The following AIG1 variants were observed in gnomAD, a reference collection of about 807,000 sequenced individuals.
AIG1 encodes the protein androgen induced 1.
Under a neutral mutation model 31.4 loss-of-function variants are expected in AIG1, and 23 were observed. The ratio of observed to expected loss-of-function variants is 0.73; its 90% CI spans 0.53 to 1.04. The LOEUF is 1.04. Among genes scored for constraint, AIG1 ranks in the 50% least tolerant of loss-of-function variants. AIG1 has a pLI of 0.00. For missense variants in AIG1, 274 were observed against 295.0 expected, an observed-to-expected ratio of 0.93 and a Z score of 0.52; for synonymous variants, 100 against 110.5, an observed-to-expected ratio of 0.90 and a Z score of 0.60.
At chr6:143,184,299 C>T (rs1202981423) in intron 3 of AIG1, among the ~76,000 whole-genome samples, 1 of 152,092 alleles carries the variant, frequency 6.6e-6, no homozygotes, top group Admixed American at 6.5e-5. Flanking sequence ...CCCCTGTGTT[C>T]CCCTCATGTT....
In AIG1 at chr6:143,333,483, A is replaced by G. The variant is rs375647803; in HGVS notation, c.679+38A>G. On this transcript the variant is annotated intron_variant, in intron 5 of 5. Transcript: ENST00000357847. The surrounding 1 kb of genome is among the most constrained non-coding windows in gnomAD (Gnocchi z 4.6). ...TGAGGGAACATAAAACAAGAGAATT[A>G]CTGCCGGCAACAGTCTATGCAGAGA... 6.7e-5 allele frequency: 108 copies of G among 1,602,662 alleles called. No homozygotes were observed. Among genetic ancestry groups the G allele is most frequent in the Non-Finnish European group, 9.0e-5 (106 of 1,173,692 alleles).
intron 2 of AIG1, among the ~76,000 whole-genome samples, chr6:143,143,987 G>A (rs1389134663): frequency 1.3e-5 from 2 of 152,130 alleles, no homozygotes; most frequent in Non-Finnish European, 2.9e-5. Flanking sequence ...ATGTTTAAAT[G>A]TATGTACCTG....
chr6:143,120,035 T>C (rs1282305040), intron 1 of AIG1, among the ~76,000 whole-genome samples: 3 of 152,166 alleles, frequency 2.0e-5, no homozygotes, highest in Non-Finnish European at 2.9e-5. Context: ...GTTCAAGCAA[T>C]TCTCCTGCCT....
At chr6:143,296,846 T>C (rs9376740) in intron 4 of AIG1, among the ~76,000 whole-genome samples, 37,151 of 152,120 alleles carry the variant, frequency 0.24, 4,644 homozygotes, top group South Asian at 0.29. Flanking sequence ...AACTGGCTTA[T>C]TGTTATTGTA....
At chr6:143,130,066 G>A (rs1783074169) in intron 1 of AIG1, among the ~76,000 whole-genome samples, 1 of 151,526 alleles carries the variant, frequency 6.6e-6, no homozygotes, top group Non-Finnish European at 1.5e-5. Flanking sequence ...GAGTAGCTGG[G>A]ACCACAGGTG....
At chr6:143,343,672 G>A (rs1209862133), downstream of AIG1, among the ~76,000 whole-genome samples, 1 of 151,948 alleles carries the variant, frequency 6.6e-6, no homozygotes, top group Non-Finnish European at 1.5e-5. Flanking sequence ...TTTTCTCAAG[G>A]CTATTTCTTT....
At chr6:143,283,698 G>A (rs1185271314) in intron 3 of AIG1, among the ~76,000 whole-genome samples, 1 of 152,118 alleles carries the variant, frequency 6.6e-6, no homozygotes, top group South Asian at 2.1e-4. Flanking sequence ...GCAATATTAT[G>A]ATAAAAATCC....
In AIG1 at chr6:143,281,068, G is replaced by A. The variant is rs550483905; in HGVS notation, c.400-3042G>A. On this transcript the variant is annotated intron_variant, in intron 3 of 5. Transcript: ENST00000357847. ...GATAATGTAAGTGATCTGCAATTAT[G>A]CACTTCTACAGGTTTATTGATTCAA... is the stretch of plus-strand genomic sequence containing the variant. 3.2e-4 allele frequency among the ~76,000 whole-genome samples: 49 copies of A among 152,278 alleles called. No homozygotes were observed. In the Middle Eastern group the frequency reaches 0.02, roughly 63 times the overall value.
At chr6:143,199,459 T>C (rs764477205) in intron 3 of AIG1, among the ~76,000 whole-genome samples, 44 of 152,330 alleles carry the variant, frequency 2.9e-4, no homozygotes, top group Non-Finnish European at 6.0e-4. Context: ...CTATTCTTTC[T>C]ACTTTTATGT....
intron 3 of AIG1, among the ~76,000 whole-genome samples, chr6:143,193,235 C>G (rs1357919660): frequency 6.6e-6 from 1 of 152,170 alleles, no homozygotes; most frequent in Admixed American, 6.5e-5. Context: ...CTGATATGTT[C>G]CTTTCTGTTA....
At chr6:143,308,747 A>G (rs1775007770) in intron 4 of AIG1, among the ~76,000 whole-genome samples, 1 of 152,128 alleles carries the variant, frequency 6.6e-6, no homozygotes, top group Non-Finnish European at 1.5e-5. Flanking sequence ...AATTTAATTT[A>G]CCTTTCTCCT....
At chr6:143,074,476 T>C (rs1020326636) in intron 1 of AIG1, among the ~76,000 whole-genome samples, 8 of 152,244 alleles carry the variant, frequency 5.3e-5, no homozygotes, top group Non-Finnish European at 8.8e-5. Flanking sequence ...AATCTAGTTT[T>C]TCCAGCACCA....
intron 4 of AIG1, among the ~76,000 whole-genome samples, chr6:143,313,060 G>T (rs967145856): frequency 1.3e-5 from 2 of 152,036 alleles, no homozygotes; most frequent in Non-Finnish European, 2.9e-5. Flanking sequence ...AATAACAAAT[G>T]TCGGGGAGGA....
intron 3 of AIG1, chr6:143,188,916 T>A: frequency 1.0e-6 from 1 of 984,954 alleles, no homozygotes; most frequent in Non-Finnish European, 1.2e-6. Context: ...TAATGCGTTT[T>A]TTTCTTAAAA....
chr6:143,224,717 C>T (rs1355428578), intron 3 of AIG1, among the ~76,000 whole-genome samples: 1 of 151,982 alleles, frequency 6.6e-6, no homozygotes, highest in Non-Finnish European at 1.5e-5. Context: ...TTCCCTTTCC[C>T]TTCCTTCCTG....
chr6:143,116,564 T>C (rs1407160992), intron 1 of AIG1, among the ~76,000 whole-genome samples: 1 of 150,756 alleles, frequency 6.6e-6, no homozygotes, highest in Non-Finnish European at 1.5e-5. Flanking sequence ...CTATGGAGAA[T>C]TGGGGAGGAG....
At chr6:143,253,084 A>C (rs921290645) in intron 3 of AIG1, among the ~76,000 whole-genome samples, 2 of 152,250 alleles carry the variant, frequency 1.3e-5, no homozygotes, top group African/African-American at 4.8e-5. Context: ...TGTAGAAGCG[A>C]CATCCTATCA....
In AIG1 at chr6:143,331,355, A is replaced by G. The variant is rs1777058267; in HGVS notation, c.516-1927A>G. Among the ~76,000 whole-genome samples the G allele has an allele frequency of 6.6e-6, 1 of 151,716 alleles. No homozygotes were observed. Among genetic ancestry groups the G allele is most frequent in the Non-Finnish European group, 1.5e-5 (1 of 67,952 alleles). ...TGTTCCCGTTAAACAATAACTCCCT[A>G]TTCTCCACTCCCCCGAGTCCCTGGT... On this transcript the variant is annotated intron_variant, in intron 4 of 5. Coordinates refer to ENST00000357847, the MANE Select transcript of AIG1 (RefSeq NM_016108.4). The surrounding 1 kb of genome is among the most constrained non-coding windows in gnomAD (Gnocchi z 4.1).
At chr6:143,233,303 A>G (rs960011190) in intron 3 of AIG1, among the ~76,000 whole-genome samples, 1 of 152,136 alleles carries the variant, frequency 6.6e-6, no homozygotes, top group African/African-American at 2.4e-5. Context: ...AATTTTTTAC[A>G]TTTTAAAACC....
Sources: allele counts gnomAD v4.1 joint callset (sites outside exome capture counted in the v4.1 genomes callset), GRCh38; gene constraint gnomAD v4.1.1; non-coding constraint Gnocchi (gnomAD v3.1); transcripts MANE v1.5; gene names NCBI Gene and HGNC (gene_info 2026-07-23, HGNC 2026-07-21).